The following POLN variants were observed in gnomAD, a reference collection of about 807,000 sequenced individuals.
POLN encodes DNA polymerase nu, also known as DNA polymerase N.
A neutral mutation model predicts 113.5 loss-of-function variants in POLN; 108 were observed. The ratio of observed to expected loss-of-function variants is 0.95; its 90% CI spans 0.81 to 1.12. POLN has a LOEUF of 1.12. POLN is among the 50% of genes most tolerant of loss of function. The pLI is 0.00. For synonymous variants in POLN, 386 were observed against 391.5 expected (o/e 0.99, Z 0.17); for missense variants, 1,097 against 1,077.1 (o/e 1.02, Z -0.26).
intron 17 of POLN, among the ~76,000 whole-genome samples, chr4:2,129,829 A>G (rs1731676725): frequency 6.6e-6 from 1 of 152,234 alleles, no homozygotes; most frequent in Non-Finnish European, 1.5e-5. Flanking sequence ...CATTCCAGTA[A>G]AAGCAATCTT....
At chr4:2,116,998 A>G (rs1423100758) in intron 19 of POLN, among the ~76,000 whole-genome samples, 1 of 152,216 alleles carries the variant, frequency 6.6e-6, no homozygotes, top group Non-Finnish European at 1.5e-5. Context: ...GCTATACGGT[A>G]AGGACAGCCT....
intron 19 of POLN, among the ~76,000 whole-genome samples, chr4:2,117,112 T>C (rs1731333907): frequency 1.3e-5 from 2 of 152,186 alleles, no homozygotes; most frequent in Non-Finnish European, 2.9e-5. Flanking sequence ...TTGCTTTCTG[T>C]GATTCGGGAT....
At chr4:2,129,414 G>A (rs1489068063) in intron 17 of POLN, among the ~76,000 whole-genome samples, 158 bp from the exon 18 acceptor site, 3 of 152,060 alleles carry the variant, frequency 2.0e-5, no homozygotes, top group Non-Finnish European at 4.4e-5. Context: ...TAGAGATGGG[G>A]GTCTCACTTT....
At chr4:2,162,484 G>C (rs1325159010) in intron 13 of POLN, among the ~76,000 whole-genome samples, 1 of 152,198 alleles carries the variant, frequency 6.6e-6, no homozygotes, top group Non-Finnish European at 1.5e-5. Flanking sequence ...CTTGAAGTCA[G>C]TGAGACCAAG....
intron 4 of POLN, among the ~76,000 whole-genome samples, chr4:2,211,300 A>ATAAT (rs56104469): frequency 1.4e-5 from 2 of 146,772 alleles, no homozygotes; most frequent in East Asian, 2.0e-4. Flanking sequence ...AATAATAATA[A>ATAAT]GAGGATTGTG....
At chr4:2,112,905 G>T (rs1002561359) in intron 19 of POLN, among the ~76,000 whole-genome samples, 4 of 151,974 alleles carry the variant, frequency 2.6e-5, no homozygotes, top group Admixed American at 6.6e-5. Flanking sequence ...CAAAGGATTA[G>T]AAATCATGCT....
chr4:2,140,564 T>C (rs989973393), intron 16 of POLN, among the ~76,000 whole-genome samples: 3 of 152,120 alleles, frequency 2.0e-5, no homozygotes, highest in Non-Finnish European at 2.9e-5. Flanking sequence ...CTGGCCACCA[T>C]GGCAGAGCCC....
At chr4:2,202,020 G>C (rs543407928) in intron 5 of POLN, among the ~76,000 whole-genome samples, 40 of 152,170 alleles carry the variant, frequency 2.6e-4, no homozygotes, top group Non-Finnish European at 4.0e-4. Flanking sequence ...ACTGTTAAAA[G>C]GAGTTCTAAA....
intron 5 of POLN, among the ~76,000 whole-genome samples, chr4:2,199,767 C>T (rs553178002): frequency 7.1e-4 from 96 of 134,738 alleles, no homozygotes; most frequent in African/African-American, 3.2e-3. Flanking sequence ...TTAGTAGAGA[C>T]GGGGTTTCAC....
chr4:2,076,840 GTGACC>G (rs1730287939), intron 23 of POLN: 1 of 152,376 alleles, frequency 6.6e-6, no homozygotes, highest in Non-Finnish European at 1.5e-5. Flanking sequence ...GAGATTTCCG[GTGACC>G]TGCCCCAATC....
chr4:2,081,291 G>T (rs1577679602), intron 22 of POLN: 3 of 1,124,260 alleles, frequency 2.7e-6, no homozygotes, highest in African/African-American at 1.5e-5. Context: ...GCATGCATGG[G>T]GAGGATGGAA....
chr4:2,105,804 G>GTGATGATGATGATGA (rs147342911), intron 19 of POLN, among the ~76,000 whole-genome samples: 9 of 144,916 alleles, frequency 6.2e-5, no homozygotes, highest in East Asian at 2.1e-4. Flanking sequence ...CAGACAAATA[G>GTGATGATGATGATGA]TGATGATGAT....
At chr4:2,085,861 G>C (rs1319432899) in intron 20 of POLN, 117 bp from the exon 21 acceptor site, 2 of 1,411,838 alleles carry the variant, frequency 1.4e-6, no homozygotes, top group Non-Finnish European at 1.9e-6. Context: ...GGTTGGGATG[G>C]AGTTGGCGTT....
intron 13 of POLN, among the ~76,000 whole-genome samples, chr4:2,169,454 G>A (rs1732806584): frequency 1.3e-5 from 2 of 152,050 alleles, no homozygotes; most frequent in African/African-American, 4.8e-5. Flanking sequence ...GAGAGGAGGC[G>A]GAAGGAAAGT....
At chr4:2,101,190 A>G (rs1730914206) in intron 19 of POLN, among the ~76,000 whole-genome samples, 1 of 152,258 alleles carries the variant, frequency 6.6e-6, no homozygotes, top group Non-Finnish European at 1.5e-5. Flanking sequence ...AAGAAAACAA[A>G]GAATACATGA....
At chr4:2,192,865 T>C (rs984421690) in intron 7 of POLN, among the ~76,000 whole-genome samples, 3 of 151,640 alleles carry the variant, frequency 2.0e-5, no homozygotes, top group East Asian at 1.9e-4. Context: ...AGGTAGGTCC[T>C]ATATTGTTTT....
chr4:2,073,832 C>T (rs1391426108), intron 24 of POLN, among the ~76,000 whole-genome samples: 1 of 152,208 alleles, frequency 6.6e-6, no homozygotes, highest in East Asian at 1.9e-4. Context: ...GGGACCTGTC[C>T]CTGGTGTGTC....
chr4:2,216,963 C>A lies in POLN; in HGVS notation c.134-3837G>T, dbSNP rs73796971. ...AGAGAGCCCAGTGTGCCAGCATGGGCGCAGCAGATGGCAGAGGCTAGATGT... is the reference window on the plus strand; with the variant it reads ...AGAGAGCCCAGTGTGCCAGCATGGGAGCAGCAGATGGCAGAGGCTAGATGT... On this transcript the variant is annotated intron_variant, in intron 3 of 25. Coordinates refer to ENST00000511885, the MANE Select transcript of POLN (RefSeq NM_181808.4). Among the ~76,000 whole-genome samples, 307 of 152,296 alleles carry A rather than the reference C, an allele frequency of 2.0e-3. 4 individuals are homozygous for A. The highest frequency in any genetic ancestry group is 0.018 in the Admixed American group (270 of 15,298).
chr4:2,189,859 T>C (rs990664667), intron 7 of POLN, among the ~76,000 whole-genome samples: 5 of 151,342 alleles, frequency 3.3e-5, no homozygotes, highest in African/African-American at 9.7e-5. Flanking sequence ...TGAAACCCCG[T>C]CTCTACTAAA....
Sources: gnomAD v4.1 joint callset for allele counts (sites outside exome capture counted in the v4.1 genomes callset) on GRCh38, gnomAD v4.1.1 for gene constraint, MANE v1.5 for transcripts, NCBI Gene and HGNC (gene_info 2026-07-23, HGNC 2026-07-21) for gene names.